Variants in UBAP2L observed in about 807,000 individuals in gnomAD.
The protein encoded by UBAP2L is ubiquitin associated protein 2 like, also known as ubiquitin-associated protein 2-like.
UBAP2L carries 12 observed loss-of-function variants against 130.6 expected under a neutral mutation model. The observed-to-expected ratio is 0.09, with a 90% confidence interval of 0.06 to 0.15. UBAP2L has a LOEUF of 0.15. Ranked by LOEUF, UBAP2L falls within the 10% of genes least tolerant of loss-of-function variation. The pLI, the probability that UBAP2L is intolerant of heterozygous loss-of-function variation, is 1.00. For missense variants in UBAP2L, 965 were observed against 1,332.5 expected (o/e 0.72, Z 4.29); for synonymous variants, 503 against 524.7 (o/e 0.96, Z 0.57).
chr1:154,237,222 A>G (rs2148663612), intron 8 of UBAP2L, 86 bp downstream of exon 8: 1 of 1,242,748 alleles, frequency 8.0e-7, no homozygotes, highest in Non-Finnish European at 1.2e-6. Context: ...AAAACGTGGA[A>G]GAATAGTGTT....
downstream of UBAP2L, chr1:154,271,147 C>A: frequency 1.8e-6 from 1 of 552,104 alleles, no homozygotes; most frequent in South Asian, 2.4e-5. Flanking sequence ...CGATTTCAGG[C>A]AGTAAAGGGA....
chr1:154,251,005 C>A, intron 12 of UBAP2L, 36 bp from the exon 13 acceptor site: 1 of 1,571,518 alleles, frequency 6.4e-7, no homozygotes, highest in Admixed American at 1.8e-5. Context: ...GATTCATTAG[C>A]ATCTCTGGCT....
chr1:154,262,380 CTTCCATACCTGA>C (rs1681854447), intron 24 of UBAP2L, among the ~76,000 whole-genome samples: 1 of 152,182 alleles, frequency 6.6e-6, no homozygotes, highest in African/African-American at 2.4e-5. Context: ...CTCTCCCTTG[CTTCCATACCTGA>C]CATCTGTGCT....
At chr1:154,261,743 T>C (rs753185939) in intron 24 of UBAP2L, 46 bp downstream of exon 24, 70 of 1,583,890 alleles carry the variant, frequency 4.4e-5, no homozygotes, top group Non-Finnish European at 4.2e-5. Context: ...TGGGGTGTTA[T>C]TGGATAAATT....
intron 12 of UBAP2L, 41 bp downstream of exon 12, chr1:154,249,478 A>G (rs1460867690): frequency 6.2e-7 from 1 of 1,611,498 alleles, no homozygotes; most frequent in South Asian, 1.1e-5. Flanking sequence ...AAAGCATTGG[A>G]GCATTACTGT....
In UBAP2L at chr1:154,270,430, C is replaced by T; in HGVS notation, c.*135C>T. 6.5e-7 allele frequency: 1 copy of T among 1,534,716 alleles called. No homozygotes were observed. Among genetic ancestry groups the T allele is most frequent in the Non-Finnish European group, 8.7e-7 (1 of 1,145,806 alleles). On this transcript the variant is annotated 3_prime_UTR_variant, in exon 27 of 27. Transcript: ENST00000428931. Reference sequence around the variant, plus strand: ...ACCCCCAGCGGCCCACCCCATGCCTCAGCTTCATGTCTGTCCCATTCCTAT... The same window carrying T: ...ACCCCCAGCGGCCCACCCCATGCCTTAGCTTCATGTCTGTCCCATTCCTAT...
rs1021003153 is a variant in UBAP2L at position 154,261,240 on chromosome 1, G to A, written c.2796+131G>A. On this transcript the variant is annotated intron_variant, in intron 23 of 26. Transcript: ENST00000428931. ...CAGTTTCCACCTCTGGCCTGTTTTTGGCCTGATGCAGGGTGGTGGGGGAAT... is the reference window on the plus strand; with the variant it reads ...CAGTTTCCACCTCTGGCCTGTTTTTAGCCTGATGCAGGGTGGTGGGGGAAT... The A allele has an allele frequency of 5.5e-6, 6 of 1,096,392 alleles. No individual in the cohort carries two copies. The African/African-American group carries it at 7.9e-5, about 14-fold the overall frequency. 67.9% of individuals were successfully genotyped at this position (1,096,392 alleles called of 1,614,324 possible). A position where few individuals can be genotyped will look rare whatever the true frequency, so the allele number is the denominator to read the frequency against.
chr1:154,245,287 C>T (rs10158820), intron 10 of UBAP2L, among the ~76,000 whole-genome samples: 63,900 of 151,914 alleles, frequency 0.42, 14,095 homozygotes, highest in South Asian at 0.64. Context: ...CCCTGGGCTA[C>T]CTCATTAGCA....
At chr1:154,248,538 T>C (rs975142116) in intron 11 of UBAP2L, among the ~76,000 whole-genome samples, 6 of 152,128 alleles carry the variant, frequency 3.9e-5, no homozygotes, top group Non-Finnish European at 7.4e-5. Flanking sequence ...AATTCTCGGC[T>C]GGGTGTGATG....
rs1200386027 is a variant in UBAP2L at position 154,234,806 on chromosome 1, A to G, written c.448+47A>G. 5.1e-6 allele frequency: 8 copies of G among 1,554,048 alleles called. No homozygotes were observed. In the African/African-American group the frequency reaches 5.5e-5, roughly 11 times the overall value. Reference sequence around the variant, plus strand: ...AACCAGCTGTGGGTCAGTAATGTCTAGACTCTAGGGATGTGCCAGGGCCCT... The same window carrying G: ...AACCAGCTGTGGGTCAGTAATGTCTGGACTCTAGGGATGTGCCAGGGCCCT... On this transcript the variant is annotated intron_variant, in intron 5 of 26. Coordinates refer to ENST00000428931, the MANE Select transcript of UBAP2L (RefSeq NM_014847.4).
chr1:154,234,381 A>AAATC (rs955429654), intron 4 of UBAP2L, among the ~76,000 whole-genome samples: 1 of 151,902 alleles, frequency 6.6e-6, no homozygotes, highest in African/African-American at 2.4e-5. Flanking sequence ...ATAAATAAAT[A>AAATC]AATATAAATA....
At chr1:154,258,007 C>A (rs779421869) in intron 20 of UBAP2L, among the ~76,000 whole-genome samples, 4 of 152,114 alleles carry the variant, frequency 2.6e-5, no homozygotes, top group Non-Finnish European at 4.4e-5. Context: ...CTCTTTTACC[C>A]AGGTTGGAGT....
At chr1:154,263,030 C>T in intron 24 of UBAP2L, 1 of 1,440,312 alleles carries the variant, frequency 6.9e-7, no homozygotes, top group Non-Finnish European at 9.4e-7. Flanking sequence ...CCCTTGAGAA[C>T]CCCCAGTTCC....
rs773208017 is a variant in UBAP2L, at chr1:154,261,007, G to A, written c.2694G>A (p.Leu898=). 1 of 1,614,184 alleles carries A rather than the reference G, an allele frequency of 6.2e-7. No homozygotes were observed. Among genetic ancestry groups the A allele is most frequent in the South Asian group, 1.1e-5 (1 of 91,088 alleles). ...QTHHTTQQTF[L]NPALPPGYSY... is the part of the protein sequence containing the mutation. ...ACCATACCACGCAGCAGACATTCCT[G>A]AACCCGGCGCTGCCTCCTGGCTACA... The change falls in exon 23 of 27, where the codon CTG becomes CTA. Residue 898 remains leucine, a synonymous_variant. Coordinates refer to ENST00000428931, the MANE Select transcript of UBAP2L (RefSeq NM_014847.4).
chr1:154,259,139 C>T (rs1680644422), intron 21 of UBAP2L, 109 bp downstream of exon 21: 6 of 1,002,510 alleles, frequency 6.0e-6, no homozygotes, highest in Non-Finnish European at 9.3e-6. Context: ...CCTCCATACA[C>T]TCTGATTTAA....
At chr1:154,242,261 A>G (rs892338787) in intron 9 of UBAP2L, among the ~76,000 whole-genome samples, 43 of 152,224 alleles carry the variant, frequency 2.8e-4, no homozygotes, top group Admixed American at 6.5e-5. Flanking sequence ...CTCTTGTTTT[A>G]ACATTTTTAA....
Position 154,270,786 on chromosome 1 carries a change from TGTACTGTG to T in UBAP2L, c.*492_*499del. On this transcript the variant is annotated 3_prime_UTR_variant, in exon 27 of 27. Transcript: ENST00000428931. ...TTTTTTTTTGTTTTTTTTTTTTTTT[TGTACTGTG>T]TCCTCAAATTTAATGGATTAATGTG... is the stretch of plus-strand genomic sequence containing the variant. 1 of 1,249,166 alleles carries T rather than the reference TGTACTGTG, an allele frequency of 8.0e-7. No homozygotes were observed. The highest frequency in any genetic ancestry group is 1.7e-5 in the South Asian group (1 of 58,100). 77.4% of individuals were successfully genotyped at this position (1,249,166 alleles called of 1,614,324 possible).
chr1:154,244,617 C>G (rs536843960), intron 10 of UBAP2L, among the ~76,000 whole-genome samples: 1 of 152,212 alleles, frequency 6.6e-6, no homozygotes, highest in East Asian at 1.9e-4. Context: ...CTCAGCCTCC[C>G]AAAGTGCTGG....
At chr1:154,221,010 G>GGCGGCGGCA (rs905064127) in intron 1 of UBAP2L, 35 bp downstream of exon 1, 75 of 199,504 alleles carry the variant, frequency 3.8e-4, no homozygotes, top group Non-Finnish European at 6.2e-4. Flanking sequence ...TGGCGGCGGC[G>GGCGGCGGCA]GCGGCGGCAG....
Sources: allele counts gnomAD v4.1 joint callset (sites outside exome capture counted in the v4.1 genomes callset), GRCh38; gene constraint gnomAD v4.1.1; transcripts MANE v1.5; gene names NCBI Gene and HGNC (gene_info 2026-07-23, HGNC 2026-07-21).